XRN2: variants seen among roughly 807,000 people sequenced by gnomAD.
The protein encoded by XRN2 is DHM1-like protein.
Under a neutral mutation model 138.5 loss-of-function variants are expected in XRN2, and 44 were observed. The ratio of observed to expected loss-of-function variants is 0.32; its 90% CI spans 0.25 to 0.41. The LOEUF (loss-of-function observed/expected upper bound fraction) is 0.41, where lower values mean the gene tolerates loss of function less well. Ranked by LOEUF, XRN2 falls within the 10% of genes least tolerant of loss-of-function variation. The pLI is 1.00. For synonymous variants in XRN2, 354 were observed against 369.4 expected, an observed-to-expected ratio of 0.96 and a Z score of 0.48; for missense variants, 937 against 1,169.3, an observed-to-expected ratio of 0.80 and a Z score of 2.90.
intron 24 of XRN2, among the ~76,000 whole-genome samples, chr20:21,360,701 T>A (rs1044599270): frequency 2.0e-5 from 3 of 152,202 alleles, no homozygotes; most frequent in African/African-American, 7.2e-5. Context: ...ATGGATTTTT[T>A]AAGTAACTAT....
chr20:21,363,622 A>G (rs1012097181), intron 24 of XRN2, among the ~76,000 whole-genome samples: 5 of 152,228 alleles, frequency 3.3e-5, no homozygotes, highest in Non-Finnish European at 4.4e-5. Context: ...AGCTTATGGT[A>G]TATTTATTGT....
chr20:21,360,720 C>T (rs1014099378), intron 24 of XRN2, among the ~76,000 whole-genome samples: 1 of 152,150 alleles, frequency 6.6e-6, no homozygotes, highest in African/African-American at 2.4e-5. Flanking sequence ...ATTTCTGCAG[C>T]ATTTGCAAGG....
rs1038870520 is a variant in XRN2, at chr20:21,374,530, A to C, written c.2584+5940A>C. Reference sequence around the variant, plus strand: ...TTTCTAGTGGGTATTGAATTTTATCAGATGCTTTTTTCTCTAAAACCTGGG... The same window carrying C: ...TTTCTAGTGGGTATTGAATTTTATCCGATGCTTTTTTCTCTAAAACCTGGG... On this transcript the variant is annotated intron_variant, in intron 27 of 29. Transcript: ENST00000377191. Among the ~76,000 whole-genome samples the C allele has an allele frequency of 4.6e-5, 7 of 152,228 alleles. No individual in the cohort carries two copies. In the East Asian group the frequency reaches 1.3e-3, roughly 29 times the overall value.
At chr20:21,375,773 G>A (rs1296732685) in intron 27 of XRN2, among the ~76,000 whole-genome samples, 2 of 151,600 alleles carry the variant, frequency 1.3e-5, no homozygotes, top group Non-Finnish European at 2.9e-5. Context: ...TAGCATATGA[G>A]AATGTCTAAT....
chr20:21,362,068 A>G (rs936466668), intron 24 of XRN2, among the ~76,000 whole-genome samples: 2 of 152,058 alleles, frequency 1.3e-5, no homozygotes, highest in Non-Finnish European at 2.9e-5. Context: ...TCTATCTCCT[A>G]ATGGTTTGTA....
At chr20:21,351,121 C>T (rs1375190802) in intron 20 of XRN2, among the ~76,000 whole-genome samples, 1 of 152,116 alleles carries the variant, frequency 6.6e-6, no homozygotes, top group African/African-American at 2.4e-5. Context: ...AATATATAAA[C>T]ATGCAGGTGA....
Position 21,378,351 on chromosome 20 carries a change from G to A in XRN2, c.2585-3643G>A, listed in dbSNP as rs112973811. On this transcript the variant is annotated intron_variant, in intron 27 of 29. Transcript: ENST00000377191. ...AAAATCATGGGTGGTTCTCCTCTGC[G>A]TCTTCTGAAATAAATTAACATGAAG... Among the ~76,000 whole-genome samples the A allele has an allele frequency of 6.0e-4, 92 of 152,228 alleles. 1 individual carries two copies. The highest frequency in any genetic ancestry group is 2.0e-3 in the African/African-American group (84 of 41,530).
At chr20:21,316,082 G>A (rs1162375792) in intron 1 of XRN2, among the ~76,000 whole-genome samples, 3 of 152,006 alleles carry the variant, frequency 2.0e-5, no homozygotes, top group South Asian at 4.1e-4. Flanking sequence ...GTGAAACCCC[G>A]TCTCTACTGA....
chr20:21,352,006 T>TATTC (rs543174831), intron 20 of XRN2, among the ~76,000 whole-genome samples: 1 of 152,244 alleles, frequency 6.6e-6, no homozygotes, highest in Non-Finnish European at 1.5e-5. Flanking sequence ...CTTCCAACTT[T>TATTC]ATTCATATTC....
intron 29 of XRN2, among the ~76,000 whole-genome samples, chr20:21,388,116 A>G (rs1716898934): frequency 6.6e-6 from 1 of 152,230 alleles, no homozygotes; most frequent in Non-Finnish European, 1.5e-5. Flanking sequence ...AGTGAGGACT[A>G]TTTGTAACTG....
At chr20:21,319,236 CTTT>C (rs1278839098) in intron 1 of XRN2, among the ~76,000 whole-genome samples, 2 of 152,208 alleles carry the variant, frequency 1.3e-5, no homozygotes, top group East Asian at 3.9e-4. Flanking sequence ...GCATGATTAT[CTTT>C]TCTCATCCAT....
In XRN2 at chr20:21,356,119, G is replaced by T; in HGVS notation, c.2060G>T (p.Gly687Val). The T allele has an allele frequency of 6.2e-7, 1 of 1,612,332 alleles. No homozygotes were observed. The highest frequency in any genetic ancestry group is 8.5e-7 in the Non-Finnish European group (1 of 1,179,052). ...NSLGGDVLFVGKHHPLHDFIL... is the reference protein window; with the variant it reads ...NSLGGDVLFVVKHHPLHDFIL... Reference sequence around the variant, plus strand: ...CTTGGAGGTGATGTCTTATTTGTGGGGAAACATCACCCACTCCATGACTTC... The same window carrying T: ...CTTGGAGGTGATGTCTTATTTGTGGTGAAACATCACCCACTCCATGACTTC... Residue 687 changes from glycine to valine, a missense_variant, in exon 22 of 30, where the codon GGG becomes GTG. By Grantham distance (109) the Gly-to-Val change is moderately radical (BLOSUM62 -3). This residue lies in a region of XRN2 where 372 missense variants were observed against 414.4 expected (regional missense o/e 0.90). Transcript: ENST00000377191.
At chr20:21,343,355 G>A (rs2038396263) in intron 15 of XRN2, among the ~76,000 whole-genome samples, 1 of 151,820 alleles carries the variant, frequency 6.6e-6, no homozygotes, top group Non-Finnish European at 1.5e-5. Flanking sequence ...AATTGAGTTA[G>A]GTACAAAGGG....
intron 3 of XRN2, 118 bp from the exon 4 acceptor site, chr20:21,328,441 A>G: frequency 1.0e-6 from 1 of 976,568 alleles, no homozygotes; most frequent in Non-Finnish European, 1.5e-6. Context: ...TAGACACATT[A>G]CTTACCTTTC....
At chr20:21,372,332 T>C (rs527859186) in intron 27 of XRN2, among the ~76,000 whole-genome samples, 1 of 152,186 alleles carries the variant, frequency 6.6e-6, no homozygotes, top group African/African-American at 2.4e-5. Flanking sequence ...TCCTCTAGGC[T>C]GAGAGAAAAT....
intron 6 of XRN2, 79 bp downstream of exon 6, chr20:21,330,784 A>G: frequency 7.4e-7 from 1 of 1,351,798 alleles, no homozygotes; most frequent in Non-Finnish European, 1.0e-6. Flanking sequence ...GACATTATTT[A>G]TCCTTCTGCC....
intron 20 of XRN2, among the ~76,000 whole-genome samples, chr20:21,353,802 A>C (rs2038542338): frequency 1.3e-5 from 2 of 151,684 alleles, no homozygotes; most frequent in South Asian, 4.2e-4. Flanking sequence ...CTTAAAAAAA[A>C]AAAAAAAACA....
intron 1 of XRN2, 63 bp from the exon 2 acceptor site, chr20:21,326,216 C>T (rs958221753): frequency 3.9e-6 from 6 of 1,534,726 alleles, no homozygotes; most frequent in South Asian, 1.2e-5. Context: ...TCATATTGAG[C>T]CTAGGATCTG....
chr20:21,347,997 G>GA (rs1249590738), intron 17 of XRN2, 149 bp from the exon 18 acceptor site: 2 of 579,604 alleles, frequency 3.5e-6, no homozygotes, highest in African/African-American at 3.9e-5. Context: ...AGGAGTCATG[G>GA]AAAAGATCAG....
Sources: gnomAD v4.1 joint callset for allele counts (sites outside exome capture counted in the v4.1 genomes callset) on GRCh38, gnomAD v4.1.1 for gene constraint, gnomAD v4.1.1 regional missense constraint, MANE v1.5 for transcripts, NCBI Gene and HGNC (gene_info 2026-07-23, HGNC 2026-07-21) for gene names.